The following SMYD4 variants were observed in gnomAD, a reference collection of about 807,000 sequenced individuals.
The protein encoded by SMYD4 is protein-lysine N-methyltransferase SMYD4.
In SMYD4, 68 loss-of-function variants were observed where a neutral mutation model predicts 72.8. That is an observed-to-expected ratio of 0.93 (90% CI 0.77 to 1.14). SMYD4 has a LOEUF of 1.14. Ranked by LOEUF, SMYD4 falls within the 50% of genes most tolerant of loss-of-function variation. The pLI, the probability that SMYD4 is intolerant of heterozygous loss-of-function variation, is 0.00. For missense variants in SMYD4, 984 were observed against 1,003.7 expected (o/e 0.98, Z 0.27); for synonymous variants, 407 against 388.6 (o/e 1.05, Z -0.56).
At chr17:1,826,726 C>T (rs1911199349) in intron 2 of SMYD4, among the ~76,000 whole-genome samples, 1 of 152,096 alleles carries the variant, frequency 6.6e-6, no homozygotes, top group African/African-American at 2.4e-5. Context: ...TAAGGTTCTG[C>T]TTTATACGTC....
chr17:1,782,879 TTA>T (rs1266016004), intron 10 of SMYD4, 154 bp downstream of exon 10: 4 of 1,212,428 alleles, frequency 3.3e-6, no homozygotes, highest in South Asian at 3.4e-5. Flanking sequence ...TTCTAAAGCG[TTA>T]TGTTTGTTAG....
In SMYD4 at chr17:1,800,295, T is replaced by G. The variant is rs765771127; in HGVS notation, c.1099A>C (p.Ile367Leu). Residue 367 changes from isoleucine to leucine, a missense_variant, in exon 5 of 11, where the codon ATA (isoleucine) becomes CTA (leucine). Physicochemically the swap from Ile to Leu is conservative, Grantham distance 5. Transcript: ENST00000305513. ...CTAATCTTATCACAAAGCTTCGTTA[T>G]GATTTTGCGAACATCCTCAAATCCC... is the stretch of plus-strand genomic sequence containing the variant. ...LVGFEDVRKIITKLCDKISNK... is the reference protein window; with the variant it reads ...LVGFEDVRKILTKLCDKISNK... 1.2e-6 allele frequency: 2 copies of G among 1,614,084 alleles called. No individual in the cohort carries two copies. Among genetic ancestry groups the G allele is most frequent in the Non-Finnish European group, 1.7e-6 (2 of 1,180,062 alleles).
intron 4 of SMYD4, among the ~76,000 whole-genome samples, chr17:1,801,625 GAAAAAAAAAA>G (rs551608562): frequency 1.1e-5 from 1 of 89,994 alleles, no homozygotes; most frequent in Non-Finnish European, 2.1e-5. Context: ...GGCAGGCTTT[GAAAAAAAAAA>G]AAAAAAAAAA....
chr17:1,787,699 T>G (rs1908781221), intron 5 of SMYD4, 95 bp from the exon 6 acceptor site: 9 of 1,283,914 alleles, frequency 7.0e-6, no homozygotes, highest in Middle Eastern at 2.7e-4. Flanking sequence ...CAGCTAGGCC[T>G]GCAGCCCGTG....
intron 2 of SMYD4, among the ~76,000 whole-genome samples, chr17:1,823,286 C>T (rs1406602907): frequency 6.7e-6 from 1 of 148,982 alleles, no homozygotes; most frequent in East Asian, 2.0e-4. Context: ...CCCAGCTACT[C>T]GAGAGGCTGA....
At chr17:1,810,750 C>T (rs887718876) in intron 3 of SMYD4, among the ~76,000 whole-genome samples, 2 of 152,226 alleles carry the variant, frequency 1.3e-5, no homozygotes, top group African/African-American at 4.8e-5. Context: ...AAGACCCTAG[C>T]AGGCAGACAC....
chr17:1,787,145 G>A (rs7210205), intron 6 of SMYD4, among the ~76,000 whole-genome samples, 172 bp from the exon 7 acceptor site: 8,962 of 152,332 alleles, frequency 0.059, 864 homozygotes, highest in African/African-American at 0.2. Flanking sequence ...TGCTGAGACA[G>A]GAAGAAAGAG....
chr17:1,781,178 C>A lies in SMYD4; in HGVS notation c.*108G>T. 9 of 1,427,612 alleles carry A rather than the reference C, an allele frequency of 6.3e-6. No individual in the cohort carries two copies. The highest frequency in any genetic ancestry group is 8.5e-6 in the Non-Finnish European group (9 of 1,061,682). The allele number at this position is 1,427,612 out of a possible 1,614,324, so 88.4% of individuals were successfully genotyped here. ...TCAGGTGATCCGCCCACCTTAGCCT[C>A]CCAAAGTGCTGGGATTACAGGCGTG... On this transcript the variant is annotated 3_prime_UTR_variant, in exon 11 of 11. Transcript: ENST00000305513.
Position 1,786,935 on chromosome 17 carries a change from G to A in SMYD4, c.1759C>T (p.Gln587Ter), listed in dbSNP as rs1450901141. The A allele has an allele frequency of 6.2e-7, 1 of 1,614,084 alleles. No homozygotes were observed. The highest frequency in any genetic ancestry group is 1.3e-5 in the African/African-American group (1 of 75,066). ...KSRMGVAERQ[Q>*]KLRSQYFFDC... ...AAGAAATACTGAGACCTCAGCTTCT[G>A]CTGCCTTTCGGCAACCCCCATCCGG... The change falls in exon 7 of 11, where the codon CAG becomes TAG. Residue 587 changes from glutamine (Q) to a stop codon, truncating the protein, a stop_gained. Coordinates refer to ENST00000305513, the MANE Select transcript of SMYD4 (RefSeq NM_052928.3). LOFTEE classifies it high-confidence loss of function.
chr17:1,809,476 G>C (rs1173206856), intron 3 of SMYD4, among the ~76,000 whole-genome samples: 6 of 150,940 alleles, frequency 4.0e-5, no homozygotes, highest in Non-Finnish European at 4.4e-5. Flanking sequence ...CCGGGTTCAA[G>C]CAATTCTCCT....
At chr17:1,785,012 T>A (rs1234661673) in intron 7 of SMYD4, among the ~76,000 whole-genome samples, 1 of 149,322 alleles carries the variant, frequency 6.7e-6, no homozygotes, top group Non-Finnish European at 1.5e-5. Context: ...TGGTCTCGAT[T>A]TTCTGACCTC....
chr17:1,792,618 G>C (rs781606532), intron 5 of SMYD4, among the ~76,000 whole-genome samples: 1 of 151,642 alleles, frequency 6.6e-6, no homozygotes, highest in Non-Finnish European at 1.5e-5. Context: ...TCCAGCCTGG[G>C]CAACAGACAG....
intron 2 of SMYD4, among the ~76,000 whole-genome samples, chr17:1,823,448 A>G (rs958719218): frequency 1.3e-5 from 2 of 150,178 alleles, no homozygotes; most frequent in Non-Finnish European, 3.0e-5. Context: ...TAAAGTTCAC[A>G]TGGGGGAAAT....
intron 2 of SMYD4, among the ~76,000 whole-genome samples, chr17:1,825,443 T>C (rs759105665): frequency 2.0e-5 from 3 of 151,966 alleles, no homozygotes; most frequent in Non-Finnish European, 4.4e-5. Flanking sequence ...TCCCAAGTAG[T>C]TGGAATTACA....
At chr17:1,810,327 G>C (rs1200086514) in intron 3 of SMYD4, among the ~76,000 whole-genome samples, 1 of 151,934 alleles carries the variant, frequency 6.6e-6, no homozygotes, top group African/African-American at 2.4e-5. Flanking sequence ...GTCACCCAGG[G>C]TAGTGCAGAG....
At chr17:1,801,411 T>C (rs112995847) in intron 4 of SMYD4, among the ~76,000 whole-genome samples, 1 of 151,598 alleles carries the variant, frequency 6.6e-6, no homozygotes, top group African/African-American at 2.4e-5. Flanking sequence ...GCTATTTTTT[T>C]TTGTATTTTT....
chr17:1,827,971 C>T lies in SMYD4; in HGVS notation c.24G>A (p.Trp8Ter). ...CCCACTTTTGAAGCAGATATGATTT[C>T]CATTCATCCACAGGCAGATCCATGC... Reference protein sequence around the residue: MDLPVDEWKSYLLQKWAS... With the variant: MDLPVDE The change falls in exon 2 of 11, where the codon TGG (tryptophan) becomes TGA (stop). Residue 8 changes from tryptophan (W) to a stop codon, truncating the protein, a stop_gained. Coordinates refer to ENST00000305513, the MANE Select transcript of SMYD4 (RefSeq NM_052928.3). LOFTEE classifies it high-confidence loss of function. 6.2e-7 allele frequency: 1 copy of T among 1,613,016 alleles called. No individual in the cohort carries two copies. Among genetic ancestry groups the T allele is most frequent in the Non-Finnish European group, 8.5e-7 (1 of 1,179,084 alleles).
At chr17:1,802,243 C>A (rs1315538399) in intron 4 of SMYD4, among the ~76,000 whole-genome samples, 2 of 152,140 alleles carry the variant, frequency 1.3e-5, no homozygotes, top group Non-Finnish European at 2.9e-5. Flanking sequence ...GTAATCCCAG[C>A]ATTATGGGAG....
At position 1,827,936 on chromosome 17, in the gene SMYD4, G is replaced by A. The variant is rs199532644; in HGVS notation, c.59C>T (p.Pro20Leu). 2.9e-4 allele frequency: 474 copies of A among 1,613,486 alleles called. No homozygotes were observed. Among genetic ancestry groups the A allele is most frequent in the Non-Finnish European group, 3.7e-4 (435 of 1,179,568 alleles). ...AGAAATTGTGACCTGAACAGACGTC[G>A]GGAGTGAAGCCCACTTTTGAAGCAG... ...SYLLQKWASL[P>L]TSVQVTISTA... Residue 20 changes from proline to leucine, a missense_variant, in exon 2 of 11, where the codon CCG becomes CTG. Pro to Leu is a moderately conservative substitution (Grantham distance 98). Transcript: ENST00000305513.
Sources: allele counts gnomAD v4.1 joint callset (sites outside exome capture counted in the v4.1 genomes callset), GRCh38; gene constraint gnomAD v4.1.1; transcripts MANE v1.5; gene names NCBI Gene and HGNC (gene_info 2026-07-23, HGNC 2026-07-21).